Variants in IGDCC3 observed in about 807,000 individuals in gnomAD.
The protein encoded by IGDCC3 is immunoglobulin superfamily DCC subclass member 3, also known as putative neuronal cell adhesion molecule.
A neutral mutation model predicts 72.0 loss-of-function variants in IGDCC3; 47 were observed. The ratio of observed to expected loss-of-function variants is 0.65; its 90% CI spans 0.52 to 0.83. The LOEUF is 0.83. Among genes scored for constraint, IGDCC3 ranks in the 40% least tolerant of loss-of-function variants. The pLI is 0.00. For synonymous variants in IGDCC3, 477 were observed against 472.8 expected (o/e 1.01, Z -0.11); for missense variants, 1,038 against 1,091.3 (o/e 0.95, Z 0.69).
At chr15:65,350,504 C>T (rs1369479000) in intron 2 of IGDCC3, among the ~76,000 whole-genome samples, 2 of 150,416 alleles carry the variant, frequency 1.3e-5, no homozygotes, top group Non-Finnish European at 3.0e-5. Context: ...CTCTGTTGCC[C>T]AGGCTGGAGT....
intron 2 of IGDCC3, among the ~76,000 whole-genome samples, chr15:65,364,524 A>G (rs927665893): frequency 3.3e-5 from 5 of 152,132 alleles, no homozygotes; most frequent in African/African-American, 1.2e-4. Flanking sequence ...GCAATCTGCC[A>G]TGGAGGTCAG....
chr15:65,336,454 C>T (rs1026902914), intron 2 of IGDCC3, among the ~76,000 whole-genome samples: 3 of 152,014 alleles, frequency 2.0e-5, no homozygotes, highest in African/African-American at 7.3e-5. Context: ...AGCAATTAGT[C>T]CTTTGTTGCC....
chr15:65,330,200 G>A (rs759618841), intron 11 of IGDCC3, 93 bp downstream of exon 11: 2 of 955,414 alleles, frequency 2.1e-6, no homozygotes, highest in Non-Finnish European at 3.3e-6. Context: ...TGTGGTCTAA[G>A]CCTGTGTTTT....
intron 2 of IGDCC3, among the ~76,000 whole-genome samples, chr15:65,347,669 G>A (rs918992196): frequency 5.3e-5 from 8 of 152,182 alleles, no homozygotes; most frequent in South Asian, 4.1e-4. Flanking sequence ...GGTGGCTCAC[G>A]CCTGTAATCC....
At position 65,328,143 on chromosome 15, in the gene IGDCC3, G is replaced by A. The variant is rs1567058264; in HGVS notation, c.*766C>T. ...CCTCTGGCCTCTCCTCTGCAGGAGA[G>A]GTAGGTGGGCTGTGGGCAGGAGGGG... On this transcript the variant is annotated 3_prime_UTR_variant, in exon 14 of 14. Coordinates refer to ENST00000327987, the MANE Select transcript of IGDCC3 (RefSeq NM_004884.4). The A allele has an allele frequency of 6.6e-6, 1 of 152,612 alleles. No homozygotes were observed. 9.5% of individuals were successfully genotyped at this position (152,612 alleles called of 1,614,324 possible).
rs2091364927 is a variant in IGDCC3, at chr15:65,377,322, C to A, written c.103+364G>T. ...TATGTCCACGGCCGGGCACCCAGCA[C>A]CCCAGCTCGTCCGCCTCGGTCAGCG... is the stretch of plus-strand genomic sequence containing the variant. On this transcript the variant is annotated intron_variant, in intron 1 of 13. Coordinates refer to ENST00000327987, the MANE Select transcript of IGDCC3 (RefSeq NM_004884.4). This position sits in a 1 kb window ranked among gnomAD's most constrained non-coding sequence, Gnocchi z 4.9. 6.6e-6 allele frequency among the ~76,000 whole-genome samples: 1 copy of A among 152,176 alleles called. No individual in the cohort carries two copies. The highest frequency in any genetic ancestry group is 1.9e-4 in the East Asian group (1 of 5,186).
At chr15:65,346,888 G>A (rs1158854569) in intron 2 of IGDCC3, among the ~76,000 whole-genome samples, 1 of 152,202 alleles carries the variant, frequency 6.6e-6, no homozygotes, top group Non-Finnish European at 1.5e-5. Context: ...GTCTCATCCA[G>A]CTGCAACCTT....
At position 65,339,029 on chromosome 15, in the gene IGDCC3, AG is replaced by A. The variant is rs2091055714; in HGVS notation, c.410-3074del. Reference sequence around the variant, plus strand: ...GTGATCCTCCCGCCTCAGCCTCCTGAGGAGCTGGGACCACAAGCGCGCACCA... The same window carrying A: ...GTGATCCTCCCGCCTCAGCCTCCTGAGAGCTGGGACCACAAGCGCGCACCA... On this transcript the variant is annotated intron_variant, in intron 2 of 13. Coordinates refer to ENST00000327987, the MANE Select transcript of IGDCC3 (RefSeq NM_004884.4). This position sits in a 1 kb window ranked among gnomAD's most constrained non-coding sequence, Gnocchi z 4.1. Among the ~76,000 whole-genome samples, 1 of 152,062 alleles carries A rather than the reference AG, an allele frequency of 6.6e-6. No individual in the cohort carries two copies. Among genetic ancestry groups the A allele is most frequent in the Admixed American group, 6.6e-5 (1 of 15,254 alleles).
At chr15:65,368,162 AC>A (rs1567072196) in intron 2 of IGDCC3, among the ~76,000 whole-genome samples, 7 of 6,122 alleles carry the variant, frequency 1.1e-3, no homozygotes, top group African/African-American at 1.4e-3. Context: ...TCTTTCACTC[AC>A]ACACACACAC....
intron 2 of IGDCC3, among the ~76,000 whole-genome samples, chr15:65,352,144 T>A (rs187897235): frequency 1.2e-3 from 176 of 152,336 alleles, no homozygotes; most frequent in African/African-American, 4.0e-3. Context: ...TCTTTTTAAT[T>A]TTGCTTAAAA....
Position 65,330,410 on chromosome 15 carries a change from A to C in IGDCC3, c.1754-13T>G, listed in dbSNP as rs1371932378. The C allele has an allele frequency of 6.2e-7, 1 of 1,606,046 alleles. No individual in the cohort carries two copies. The highest frequency in any genetic ancestry group is 2.2e-5 in the East Asian group (1 of 44,700). Reference sequence around the variant, plus strand: ...ACTGCAGTGGGGTCTGGAGGAAGGCAGGGCGGATGAGCAACTGCCCCTGCC... The same window carrying C: ...ACTGCAGTGGGGTCTGGAGGAAGGCCGGGCGGATGAGCAACTGCCCCTGCC... On this transcript the variant is annotated splice_polypyrimidine_tract_variant and intron_variant, in intron 10 of 13. Transcript: ENST00000327987.
chr15:65,354,392 C>A (rs1275199683), intron 2 of IGDCC3, among the ~76,000 whole-genome samples: 2 of 152,190 alleles, frequency 1.3e-5, no homozygotes, highest in Non-Finnish European at 2.9e-5. Context: ...TCTTTGCTTC[C>A]ACTGCCCCCT....
At position 65,331,135 on chromosome 15, in the gene IGDCC3, T is replaced by C. The variant is rs1316584127; in HGVS notation, c.1476A>G (p.Thr492=). 13 of 1,613,902 alleles carry C rather than the reference T, an allele frequency of 8.1e-6. No homozygotes were observed. The highest frequency in any genetic ancestry group is 1.1e-5 in the Non-Finnish European group (13 of 1,180,000). Residue 492 remains threonine (T), a synonymous_variant, in exon 9 of 14, where the codon ACA becomes ACG. Transcript: ENST00000327987. ...AGGCCTTGATGTAGAAACTGTAGGC[T>C]GTGGAGGGCTCCAGGTCGCTGACCA... The part of the protein sequence containing the change: ...QHLVSDLEPS[T]AYSFYIKAYT...
chr15:65,343,973 C>G (rs2091104195), intron 2 of IGDCC3, among the ~76,000 whole-genome samples: 1 of 152,200 alleles, frequency 6.6e-6, no homozygotes, highest in Non-Finnish European at 1.5e-5. Context: ...TACCCATCAT[C>G]TGGATCCCCA....
At position 65,328,601 on chromosome 15, in the gene IGDCC3, T is replaced by TAA. The variant is rs1336990340; in HGVS notation, c.*306_*307dup. 1 of 264,290 alleles carries TAA rather than the reference T, an allele frequency of 3.8e-6. No homozygotes were observed. The highest frequency in any genetic ancestry group is 7.1e-6 in the Non-Finnish European group (1 of 141,482). The allele number at this position is 264,290 out of a possible 1,614,324, so 16.4% of individuals were successfully genotyped here. On this transcript the variant is annotated 3_prime_UTR_variant, in exon 14 of 14. Transcript: ENST00000327987. Reference sequence around the variant, plus strand: ...TCTCTCTCCTCTTTTTTTTTTTTTTTAAGTTTTGCTTTTTAAAGAAAAATG... The same window carrying TAA: ...TCTCTCTCCTCTTTTTTTTTTTTTTTAAAAGTTTTGCTTTTTAAAGAAAAATG...
At chr15:65,334,886 A>T (rs371555659) in intron 4 of IGDCC3, 21 bp from the exon 5 acceptor site, 2 of 1,605,330 alleles carry the variant, frequency 1.2e-6, no homozygotes, top group Non-Finnish European at 1.7e-6. Flanking sequence ...GACGCCACAT[A>T]TCCTCACTTC....
chr15:65,356,119 G>C (rs1279438441), intron 2 of IGDCC3: 1 of 207,254 alleles, frequency 4.8e-6, no homozygotes, highest in African/African-American at 2.4e-5. Flanking sequence ...AAACGGGCAC[G>C]GCTCTGCATT....
chr15:65,377,005 G>A lies in IGDCC3; in HGVS notation c.103+681C>T, dbSNP rs915403967. On this transcript the variant is annotated intron_variant, in intron 1 of 13. Transcript: ENST00000327987. This position sits in a 1 kb window ranked among gnomAD's most constrained non-coding sequence, Gnocchi z 4.9. ...CCGCGAGAGCCAGGGCAAGGTCTCC[G>A]CGTGTGCACACTTCGGGGAAGGGCA... is the stretch of plus-strand genomic sequence containing the variant. 2.0e-5 allele frequency among the ~76,000 whole-genome samples: 3 copies of A among 152,124 alleles called. No individual in the cohort carries two copies. Among genetic ancestry groups the A allele is most frequent in the African/African-American group, 7.2e-5 (3 of 41,436 alleles).
chr15:65,342,260 C>T (rs2091088342), intron 2 of IGDCC3, among the ~76,000 whole-genome samples: 1 of 151,976 alleles, frequency 6.6e-6, no homozygotes, highest in Admixed American at 6.5e-5. Flanking sequence ...GTGGCACATG[C>T]CTGTAATCCC....
Sources: gnomAD v4.1 joint callset for allele counts (sites outside exome capture counted in the v4.1 genomes callset) on GRCh38, gnomAD v4.1.1 for gene constraint, Gnocchi (gnomAD v3.1) non-coding constraint, MANE v1.5 for transcripts, NCBI Gene and HGNC (gene_info 2026-07-23, HGNC 2026-07-21) for gene names.